Variants in NUTF2 observed in about 807,000 individuals in gnomAD.
NUTF2 encodes the protein placental protein 15.
NUTF2 carries 3 observed loss-of-function variants against 18.5 expected under a neutral mutation model. The observed-to-expected ratio is 0.16, with a 90% CI of 0.07 to 0.42. The LOEUF is 0.42. Among genes scored for constraint, NUTF2 ranks in the 10% least tolerant of loss-of-function variants. The probability of loss-of-function intolerance (pLI) is 0.99; values close to 1 mark genes in which losing one functional copy is unlikely to be tolerated. For synonymous variants in NUTF2, 51 were observed against 57.9 expected (o/e 0.88, Z 0.54); for missense variants, 44 against 160.7 (o/e 0.27, Z 3.93).
At chr16:67,852,972 C>G (rs867968788) in intron 1 of NUTF2, among the ~76,000 whole-genome samples, 1 of 152,072 alleles carries the variant, frequency 6.6e-6, no homozygotes, top group African/African-American at 2.4e-5. Context: ...CATGAGCCAC[C>G]GCTCCCGGCC....
chr16:67,851,511 T>A (rs975608978), intron 1 of NUTF2, among the ~76,000 whole-genome samples: 11 of 151,984 alleles, frequency 7.2e-5, no homozygotes, highest in South Asian at 2.1e-4. Context: ...TTTTGTTTTT[T>A]TTATTATTAT....
At position 67,871,912 on chromosome 16, in the gene NUTF2, T is replaced by C. The variant is rs1047019820; in HGVS notation, c.*999T>C. ...GCCCACAGAGCCAGGCCCAGTTGTG[T>C]TGGAGTATAGGTCAGGAGCTGTGGA... On this transcript the variant is annotated 3_prime_UTR_variant, in exon 5 of 5. Coordinates refer to ENST00000219169, the MANE Select transcript of NUTF2 (RefSeq NM_005796.3). 2.6e-5 allele frequency: 4 copies of C among 152,220 alleles called. No homozygotes were observed. In the East Asian group the frequency reaches 7.7e-4, roughly 29 times the overall value. 9.4% of individuals were successfully genotyped at this position (152,220 alleles called of 1,614,324 possible).
chr16:67,848,780 G>T (rs1319731448), intron 1 of NUTF2, among the ~76,000 whole-genome samples: 4 of 151,602 alleles, frequency 2.6e-5, no homozygotes, highest in Admixed American at 6.6e-5. Flanking sequence ...AGCAGCAGCA[G>T]CTCAATCTCT....
At chr16:67,866,275 A>C (rs1366022249) in intron 2 of NUTF2, among the ~76,000 whole-genome samples, 1 of 151,790 alleles carries the variant, frequency 6.6e-6, no homozygotes, top group African/African-American at 2.4e-5. Flanking sequence ...CAATTCCAGC[A>C]CAGATATTTG....
Position 67,871,140 on chromosome 16 carries a change from TTAAG to T in NUTF2, c.*231_*234del, listed in dbSNP as rs1330449360. The stretch of plus-strand genomic sequence containing the variant: ...GTACCAGCGCATGCCTTGGAAAGAC[TTAAG>T]TAATGCAAAAGGTTGTCCTTTTTTT... On this transcript the variant is annotated 3_prime_UTR_variant, in exon 5 of 5. Coordinates refer to ENST00000219169, the MANE Select transcript of NUTF2 (RefSeq NM_005796.3). The T allele has an allele frequency of 1.3e-5, 5 of 394,232 alleles. No homozygotes were observed. 24.4% of individuals were successfully genotyped at this position (394,232 alleles called of 1,614,324 possible).
intron 1 of NUTF2, among the ~76,000 whole-genome samples, chr16:67,848,370 G>T (rs923057838): frequency 2.6e-5 from 4 of 152,166 alleles, no homozygotes; most frequent in Non-Finnish European, 5.9e-5. Context: ...ATCACCTGAG[G>T]TCCGGGGTTC....
chr16:67,854,015 A>G (rs1567379728), intron 1 of NUTF2, among the ~76,000 whole-genome samples: 1 of 150,854 alleles, frequency 6.6e-6, no homozygotes, highest in African/African-American at 2.5e-5. Flanking sequence ...CAGTAGCATG[A>G]TCTCAGCTCA....
chr16:67,869,711 G>A (rs1156502046), intron 4 of NUTF2, among the ~76,000 whole-genome samples: 1 of 152,108 alleles, frequency 6.6e-6, no homozygotes, highest in East Asian at 1.9e-4. Flanking sequence ...CTTGAACCTG[G>A]GAGGCAGAGG....
intron 1 of NUTF2, among the ~76,000 whole-genome samples, chr16:67,863,654 C>T (rs780194098): frequency 1.6e-4 from 24 of 152,210 alleles, no homozygotes; most frequent in Non-Finnish European, 2.6e-4. Context: ...CAGTGACTTG[C>T]ATCAGATCCC....
intron 1 of NUTF2, among the ~76,000 whole-genome samples, chr16:67,848,889 T>C (rs1235293337): frequency 1.3e-5 from 2 of 152,222 alleles, no homozygotes; most frequent in Non-Finnish European, 2.9e-5. Context: ...TATTTTTTTC[T>C]TCCTCCTTGA....
chr16:67,851,514 A>G (rs1393868446), intron 1 of NUTF2, among the ~76,000 whole-genome samples: 1 of 150,580 alleles, frequency 6.6e-6, no homozygotes, highest in Non-Finnish European at 1.5e-5. Flanking sequence ...TGTTTTTTTT[A>G]TTATTATTAT....
At chr16:67,864,318 C>T (rs1056192255) in intron 1 of NUTF2, among the ~76,000 whole-genome samples, 2 of 152,130 alleles carry the variant, frequency 1.3e-5, no homozygotes, top group Non-Finnish European at 2.9e-5. Context: ...CGAGACCAGC[C>T]TGGCCAACAT....
intron 1 of NUTF2, among the ~76,000 whole-genome samples, chr16:67,853,974 G>T (rs147237038): frequency 8.5e-5 from 13 of 152,166 alleles, no homozygotes; most frequent in African/African-American, 3.1e-4. Context: ...TTTTTGAGAT[G>T]GAGTTTCGCT....
chr16:67,851,840 A>T (rs2057860853), intron 1 of NUTF2, among the ~76,000 whole-genome samples: 1 of 151,782 alleles, frequency 6.6e-6, no homozygotes, highest in South Asian at 2.1e-4. Context: ...ACATGGAAAA[A>T]CCCTGTCTCT....
At chr16:67,868,194 G>A in intron 2 of NUTF2, 146 bp from the exon 3 acceptor site, 1 of 657,808 alleles carries the variant, frequency 1.5e-6, no homozygotes, top group Non-Finnish European at 2.7e-6. Context: ...AATGTTTGGG[G>A]GCTATACTCA....
intron 1 of NUTF2, among the ~76,000 whole-genome samples, chr16:67,864,850 C>T (rs997301253): frequency 1.3e-5 from 2 of 152,130 alleles, no homozygotes; most frequent in Non-Finnish European, 2.9e-5. Context: ...GTGTGCTCCA[C>T]GACCCTATCA....
At chr16:67,854,430 T>G (rs1433936989) in intron 1 of NUTF2, among the ~76,000 whole-genome samples, 1 of 152,230 alleles carries the variant, frequency 6.6e-6, no homozygotes, top group East Asian at 1.9e-4. Flanking sequence ...TCAGCAGACC[T>G]GGTCAGGGAG....
At chr16:67,866,192 G>A (rs954219750) in intron 2 of NUTF2, among the ~76,000 whole-genome samples, 1 of 152,104 alleles carries the variant, frequency 6.6e-6, no homozygotes, top group Non-Finnish European at 1.5e-5. Flanking sequence ...ACAGTCTTCT[G>A]TGTCTGTCTC....
At chr16:67,852,501 C>G (rs1274104592) in intron 1 of NUTF2, among the ~76,000 whole-genome samples, 1 of 151,854 alleles carries the variant, frequency 6.6e-6, no homozygotes, top group East Asian at 1.9e-4. Flanking sequence ...GGATTATACC[C>G]GCCTGCCGGT....
Sources: gnomAD v4.1 joint callset for allele counts (sites outside exome capture counted in the v4.1 genomes callset) on GRCh38, gnomAD v4.1.1 for gene constraint, MANE v1.5 for transcripts, NCBI Gene and HGNC (gene_info 2026-07-23, HGNC 2026-07-21) for gene names.